Variants in SRI observed in about 807,000 individuals in gnomAD.
SRI encodes the protein sorcin.
A neutral mutation model predicts 33.3 loss-of-function variants in SRI; 30 were observed. That is an observed-to-expected ratio of 0.90 (90% CI 0.67 to 1.22). SRI has a LOEUF of 1.22. Ranked by LOEUF, SRI falls within the 50% of genes most tolerant of loss-of-function variation. The pLI is 0.00. For missense variants in SRI, 243 were observed against 250.8 expected (o/e 0.97, Z 0.21); for synonymous variants, 75 against 89.9 (o/e 0.83, Z 0.94).
At chr7:88,218,188 G>T (rs1001744118) in intron 2 of SRI, among the ~76,000 whole-genome samples, 3 of 152,138 alleles carry the variant, frequency 2.0e-5, no homozygotes, top group African/African-American at 7.2e-5. Context: ...ATGAACTAGG[G>T]AAGTGTCCTC....
chr7:88,217,145 G>A lies in SRI; in HGVS notation c.182C>T (p.Ser61Phe), dbSNP rs993488787. 6 of 1,613,252 alleles carry A rather than the reference G, an allele frequency of 3.7e-6. No homozygotes were observed. The Admixed American group carries it at 5.0e-5, about 13-fold the overall frequency. The change falls in exon 3 of 8, where the codon TCT (serine) becomes TTT (phenylalanine). Residue 61 changes from serine to phenylalanine, a missense_variant. Physicochemically the swap from Ser to Phe is radical, Grantham distance 155. Transcript: ENST00000265729. ...ACGTTTGTATCCTCCAGCAATGCCA[G>A]ACTGTGTCAGACATCTCTGCAATTC... ...ADELQRCLTQ[S>F]GIAGGYKPFN...
At chr7:88,219,899 T>A (rs1255001941) in intron 1 of SRI, 77 bp downstream of exon 1, 12 of 1,500,262 alleles carry the variant, frequency 8.0e-6, no homozygotes, top group Non-Finnish European at 1.1e-5. Context: ...CTCACCCCGC[T>A]GGCCGCAGCA....
Position 88,218,868 on chromosome 7 carries a change from T to C in SRI, c.126A>G (p.Val42=), listed in dbSNP as rs760560497. 7 of 1,614,090 alleles carry C rather than the reference T, an allele frequency of 4.3e-6. No individual in the cohort carries two copies. Among genetic ancestry groups the C allele is most frequent in the East Asian group, 2.2e-5 (1 of 44,882 alleles). ...QDPLYGYFAA[V]AGQDGQIDAD... ...AAAGGGAAAAGCTAACCTGTCCAGC[T>C]ACAGCAGCAAAGTAACCATACAGCG... The change falls in exon 2 of 8, where the codon GTA becomes GTG. Residue 42 remains valine (V), a synonymous_variant. Transcript: ENST00000265729.
chr7:88,211,060 A>G, intron 3 of SRI, 135 bp from the exon 4 acceptor site: 1 of 713,572 alleles, frequency 1.4e-6, no homozygotes, highest in Non-Finnish European at 2.3e-6. Context: ...ACGTGTGACT[A>G]ATCATATGGA....
At chr7:88,223,804 C>T (rs910720752), upstream of SRI, among the ~76,000 whole-genome samples, 2 of 152,092 alleles carry the variant, frequency 1.3e-5, no homozygotes, top group African/African-American at 2.4e-5. Context: ...CTCCAGAATG[C>T]GGGCTTATGA....
chr7:88,215,365 A>T (rs2115781302), intron 3 of SRI, among the ~76,000 whole-genome samples: 1 of 152,340 alleles, frequency 6.6e-6, no homozygotes, highest in East Asian at 1.9e-4. Flanking sequence ...CCATTTTGTT[A>T]GTCAGATTCT....
intron 6 of SRI, 91 bp downstream of exon 6, chr7:88,209,248 G>T: frequency 9.5e-7 from 1 of 1,047,580 alleles, no homozygotes; most frequent in Non-Finnish European, 1.4e-6. Flanking sequence ...AAAAAATTTG[G>T]GAAGAATAAA....
chr7:88,219,982 TG>T lies in SRI; in HGVS notation c.44del (p.Pro15GlnfsTer28). 6.5e-7 allele frequency: 1 copy of T among 1,539,494 alleles called. No individual in the cohort carries two copies. The stretch of plus-strand genomic sequence containing the variant: ...CCGCGCAGTCAGCACTTACCCCGCC[TG>T]GGTAGTACCCGCCGCCGGCGCCAGG... ...GHPGAGGGYY[P>X]GGYGGAPGGP... On this transcript the variant is annotated frameshift_variant, in exon 1 of 8. Coordinates refer to ENST00000265729, the MANE Select transcript of SRI (RefSeq NM_003130.4). LOFTEE classifies it high-confidence loss of function.
chr7:88,208,465 CAT>C (rs1851486437), intron 7 of SRI, 40 bp downstream of exon 7: 2 of 1,611,058 alleles, frequency 1.2e-6, no homozygotes, highest in East Asian at 4.5e-5. Context: ...ATCTGGTGTA[CAT>C]CCTTTTCATC....
chr7:88,214,509 C>T (rs1851659461), intron 3 of SRI, among the ~76,000 whole-genome samples: 2 of 152,086 alleles, frequency 1.3e-5, no homozygotes, highest in South Asian at 4.1e-4. Context: ...ATACACCATT[C>T]TAGACAGTTC....
chr7:88,222,291 T>G (rs1399681410), upstream of SRI, among the ~76,000 whole-genome samples: 1 of 149,428 alleles, frequency 6.7e-6, no homozygotes, highest in Non-Finnish European at 1.5e-5. Flanking sequence ...TGAACTAGTT[T>G]ACAGTCCCAC....
At chr7:88,225,501 A>G (rs921408932) in intron 1 of SRI, among the ~76,000 whole-genome samples, 1 of 152,176 alleles carries the variant, frequency 6.6e-6, no homozygotes, top group African/African-American at 2.4e-5. Flanking sequence ...TTAATGCTCT[A>G]TGGACTACAA....
At chr7:88,210,567 A>C in intron 4 of SRI, 1 of 388,030 alleles carries the variant, frequency 2.6e-6, no homozygotes, top group Non-Finnish European at 4.8e-6. Context: ...TCAGTCCAAC[A>C]AGTGGGATGT....
chr7:88,206,395 TACATATTACCGAAG>T lies in SRI; in HGVS notation c.*69_*82del. 6.7e-7 allele frequency: 1 copy of T among 1,485,948 alleles called. No individual in the cohort carries two copies. The highest frequency in any genetic ancestry group is 9.4e-7 in the Non-Finnish European group (1 of 1,063,316). The allele number at this position is 1,485,948 out of a possible 1,614,324, so 92.0% of individuals were successfully genotyped here. A position where few individuals can be genotyped will look rare whatever the true frequency, so the allele number is the denominator to read the frequency against. On this transcript the variant is annotated 3_prime_UTR_variant, in exon 8 of 8. Coordinates refer to ENST00000265729, the MANE Select transcript of SRI (RefSeq NM_003130.4). ...AAGAGAAAGTCGTGATGTAAGTTTA[TACATATTACCGAAG>T]GCAAAGAGGACAAGCAAAGGAGAGC...
In SRI at chr7:88,209,373, G is replaced by A. The variant is rs749154218; in HGVS notation, c.477C>T (p.Tyr159=). The A allele has an allele frequency of 5.0e-6, 8 of 1,614,050 alleles. No homozygotes were observed. Among genetic ancestry groups the A allele is most frequent in the African/African-American group, 1.3e-5 (1 of 75,042 alleles). Residue 159 remains tyrosine, a synonymous_variant, in exon 6 of 8, where the codon TAC becomes TAT. Transcript: ENST00000265729. ...CCCTCAGTTTGACGCAGCAGGCGAT[G>A]TAGTCGTCGAAGGTGATCTTTCCAT... ...STNGKITFDD[Y]IACCVKLRAL...
At chr7:88,225,502 T>C (rs954358926) in intron 1 of SRI, among the ~76,000 whole-genome samples, 3 of 152,198 alleles carry the variant, frequency 2.0e-5, no homozygotes, top group Non-Finnish European at 2.9e-5. Context: ...TAATGCTCTA[T>C]GGACTACAAA....
At chr7:88,209,590 G>A (rs1199234956) in intron 5 of SRI, 138 bp from the exon 6 acceptor site, 1 of 691,044 alleles carries the variant, frequency 1.4e-6, no homozygotes, top group Non-Finnish European at 2.5e-6. Flanking sequence ...TAAGAAAACA[G>A]AAACTGCCTT....
rs1044714072 is a variant in SRI, at chr7:88,206,404, C to A, written c.*74G>T. On this transcript the variant is annotated 3_prime_UTR_variant, in exon 8 of 8. Transcript: ENST00000265729. ...TCGTGATGTAAGTTTATACATATTA[C>A]CGAAGGCAAAGAGGACAAGCAAAGG... 46 of 1,555,344 alleles carry A rather than the reference C, an allele frequency of 3.0e-5. No individual in the cohort carries two copies. The highest frequency in any genetic ancestry group is 3.8e-5 in the Non-Finnish European group (43 of 1,126,760).
intron 2 of SRI, chr7:88,218,602 T>A: frequency 2.4e-6 from 1 of 424,632 alleles, no homozygotes; most frequent in Admixed American, 3.7e-5. Context: ...TTTTTTCGCT[T>A]GAAACCATCC....
Sources: allele counts gnomAD v4.1 joint callset (sites outside exome capture counted in the v4.1 genomes callset), GRCh38; gene constraint gnomAD v4.1.1; transcripts MANE v1.5; gene names NCBI Gene and HGNC (gene_info 2026-07-23, HGNC 2026-07-21).